GCFC2: variants seen among roughly 807,000 people sequenced by gnomAD.
GCFC2 encodes GC-rich sequence DNA-binding factor 2.
GCFC2 carries 102 observed loss-of-function variants against 99.4 expected under a neutral mutation model. The ratio of observed to expected loss-of-function variants is 1.03; its 90% CI spans 0.87 to 1.21. The LOEUF is 1.21. Among genes scored for constraint, GCFC2 ranks in the 50% most tolerant of loss-of-function variants. The pLI is 0.00. For missense variants in GCFC2, 973 were observed against 920.9 expected, an observed-to-expected ratio of 1.06 and a Z score of -0.73; for synonymous variants, 338 against 316.8, an observed-to-expected ratio of 1.07 and a Z score of -0.71.
chr2:75,709,974 G>A (rs557640684), intron 1 of GCFC2, among the ~76,000 whole-genome samples: 11 of 152,140 alleles, frequency 7.2e-5, no homozygotes, highest in Non-Finnish European at 1.3e-4. Context: ...CCTTACACCT[G>A]TATTTAAGAA....
At chr2:75,667,615 C>G (rs555556292) in intron 15 of GCFC2, among the ~76,000 whole-genome samples, 5 of 152,220 alleles carry the variant, frequency 3.3e-5, no homozygotes, top group South Asian at 4.1e-4. Context: ...TTAAAACCAC[C>G]CTTTACTATT....
At chr2:75,711,365 A>G, upstream of GCFC2, 1 of 188,082 alleles carries the variant, frequency 5.3e-6, no homozygotes, top group Non-Finnish European at 9.9e-6. Context: ...GTACATAAAC[A>G]ATGCATACAG....
chr2:75,704,633 T>C (rs994416816), intron 2 of GCFC2, among the ~76,000 whole-genome samples: 1 of 152,252 alleles, frequency 6.6e-6, no homozygotes, highest in South Asian at 2.1e-4. Flanking sequence ...GTGGGGGCAG[T>C]GCTGCCAACA....
intron 1 of GCFC2, 185 bp downstream of exon 1, chr2:75,710,406 T>G (rs918596065): frequency 1.5e-6 from 2 of 1,342,602 alleles, no homozygotes; most frequent in Non-Finnish European, 1.9e-6. Context: ...CAGATGCAGA[T>G]AGCGGGCAAG....
At chr2:75,673,364 T>G (rs1447415273) in intron 13 of GCFC2, 80 bp downstream of exon 13, 1 of 722,938 alleles carries the variant, frequency 1.4e-6, no homozygotes, top group Non-Finnish European at 2.5e-6. Flanking sequence ...ACACTGTAGT[T>G]TCTTTTGCAT....
At chr2:75,680,426 G>C (rs2104283726) in intron 11 of GCFC2, 112 bp from the exon 12 acceptor site, 1 of 756,942 alleles carries the variant, frequency 1.3e-6, no homozygotes, top group South Asian at 2.1e-5. Flanking sequence ...TTCAGTTTAA[G>C]TTCCATGGCC....
At chr2:75,686,303 G>A (rs1279173779) in intron 11 of GCFC2, among the ~76,000 whole-genome samples, 3 of 151,780 alleles carry the variant, frequency 2.0e-5, no homozygotes, top group East Asian at 1.9e-4. Context: ...GTTTCACCTC[G>A]TTGCCAAGGC....
chr2:75,672,054 A>G (rs1302572441), intron 13 of GCFC2, 38 bp from the exon 14 acceptor site: 3 of 1,124,876 alleles, frequency 2.7e-6, no homozygotes, highest in Admixed American at 1.7e-5. Context: ...GAAAATGCAA[A>G]GAACTATTAG....
chr2:75,672,044 G>GA (rs777145216), intron 13 of GCFC2, 28 bp from the exon 14 acceptor site: 11 of 1,296,418 alleles, frequency 8.5e-6, no homozygotes, highest in Non-Finnish European at 1.2e-5. Context: ...AAAGAGAAGA[G>GA]AAAATGCAAA....
chr2:75,685,975 T>C (rs2104314726), intron 11 of GCFC2, among the ~76,000 whole-genome samples: 1 of 152,346 alleles, frequency 6.6e-6, no homozygotes, highest in East Asian at 1.9e-4. Flanking sequence ...CTTTCTCTCT[T>C]GCTGCACAAC....
chr2:75,685,745 G>T (rs114800472), intron 11 of GCFC2, among the ~76,000 whole-genome samples: 6 of 151,482 alleles, frequency 4.0e-5, no homozygotes, highest in Non-Finnish European at 7.4e-5. Context: ...CTTCTGACTG[G>T]ACCTCCCCCT....
At position 75,673,485 on chromosome 2, in the gene GCFC2, CT is replaced by C; in HGVS notation, c.1847del (p.Lys616ArgfsTer3). ...LLKSIVSRMK[K>X]AVEDDVFIPL... ...GAATAAAAACATCATCTTCTACTGC[CT>C]TTTTCATTCTTGAAACAATGGATTT... On this transcript the variant is annotated frameshift_variant, in exon 13 of 17. Transcript: ENST00000321027. LOFTEE classifies it high-confidence loss of function. The C allele has an allele frequency of 1.8e-5, 25 of 1,418,558 alleles. No individual in the cohort carries two copies. Among genetic ancestry groups the C allele is most frequent in the Non-Finnish European group, 2.3e-5 (23 of 1,002,100 alleles). 87.9% of individuals were successfully genotyped at this position (1,418,558 alleles called of 1,614,324 possible).
rs77551332 is a variant in GCFC2 at position 75,665,464 on chromosome 2, T to C, written c.2228+465A>G. Among the ~76,000 whole-genome samples the C allele has an allele frequency of 9.1e-3, 1,382 of 152,204 alleles. 17 individuals carry two copies. The highest frequency in any genetic ancestry group is 0.031 in the African/African-American group (1,298 of 41,542). ...CCACCATGCCCGGCCAAATCTGGGC[T>C]TAAAAATTTTTTTTGGAGAGGGAGT... On this transcript the variant is annotated intron_variant, in intron 16 of 16. Transcript: ENST00000321027.
intron 1 of GCFC2, among the ~76,000 whole-genome samples, 174 bp from the exon 2 acceptor site, chr2:75,706,825 T>C (rs1449271562): frequency 6.6e-6 from 1 of 152,138 alleles, no homozygotes; most frequent in African/African-American, 2.4e-5. Flanking sequence ...CTGAATGATC[T>C]ACTAAGTGTA....
rs1414556460 is a variant in GCFC2, at chr2:75,663,760, T to TGAA, written c.*903_*905dup. 7 of 152,144 alleles carry TGAA rather than the reference T, an allele frequency of 4.6e-5. No individual in the cohort carries two copies. 9.4% of individuals were successfully genotyped at this position (152,144 alleles called of 1,614,324 possible). The stretch of plus-strand genomic sequence containing the variant: ...CTATAGTCCCAGCTACTTGGGAGGT[T>TGAA]GAAGTGGGAGGATTGCTTGAGCCCA... On this transcript the variant is annotated 3_prime_UTR_variant, in exon 17 of 17. Transcript: ENST00000321027.
chr2:75,691,142 G>T (rs998685811), intron 7 of GCFC2, among the ~76,000 whole-genome samples: 17 of 152,136 alleles, frequency 1.1e-4, no homozygotes, highest in Admixed American at 1.1e-3. Context: ...ACTGCATATA[G>T]CACCAAACCC....
intron 5 of GCFC2, among the ~76,000 whole-genome samples, chr2:75,695,431 A>T (rs886117876): frequency 6.6e-5 from 10 of 152,166 alleles, no homozygotes; most frequent in Non-Finnish European, 5.9e-5. Context: ...TAGTTTTTTT[A>T]AAAAAATTAA....
chr2:75,701,894 T>C, intron 3 of GCFC2: 1 of 1,076,162 alleles, frequency 9.3e-7, no homozygotes, highest in Non-Finnish European at 1.1e-6. Flanking sequence ...AATATATTTA[T>C]ACAGGTAAAA....
chr2:75,688,579 T>C (rs1679919658), intron 10 of GCFC2, among the ~76,000 whole-genome samples: 1 of 152,184 alleles, frequency 6.6e-6, no homozygotes, highest in African/African-American at 2.4e-5. Flanking sequence ...TTTACACCTT[T>C]ATGAAACACC....
Sources: allele counts gnomAD v4.1 joint callset (sites outside exome capture counted in the v4.1 genomes callset), GRCh38; gene constraint gnomAD v4.1.1; transcripts MANE v1.5; gene names NCBI Gene and HGNC (gene_info 2026-07-23, HGNC 2026-07-21).